PLPPR5: variants seen among roughly 807,000 people sequenced by gnomAD.
The protein encoded by PLPPR5 is phospholipid phosphatase related 5.
Under a neutral mutation model 33.9 loss-of-function variants are expected in PLPPR5, and 16 were observed. The ratio of observed to expected loss-of-function variants is 0.47; its 90% confidence interval spans 0.32 to 0.72. The LOEUF is 0.72. Among genes scored for constraint, PLPPR5 ranks in the 30% least tolerant of loss-of-function variants. The pLI is 0.03. For missense variants in PLPPR5, 301 were observed against 406.7 expected, an observed-to-expected ratio of 0.74 and a Z score of 2.23; for synonymous variants, 163 against 150.3, an observed-to-expected ratio of 1.08 and a Z score of -0.62.
chr1:98,996,696 G>C lies in PLPPR5; in HGVS notation c.237+7739C>G, dbSNP rs79951706. Among the ~76,000 whole-genome samples, 927 of 152,218 alleles carry C rather than the reference G, an allele frequency of 6.1e-3. 15 individuals carry two copies. Among genetic ancestry groups the C allele is most frequent in the African/African-American group, 0.022 (900 of 41,544 alleles). On this transcript the variant is annotated intron_variant, in intron 1 of 5. Coordinates refer to ENST00000263177, the MANE Select transcript of PLPPR5 (RefSeq NM_001037317.2). ...CAACCTGTATAAATGGGAATGATGA[G>C]CTGGGAAAATTTAGTTCTACTGGCT...
rs541049790 is a variant in PLPPR5 at position 98,894,091 on chromosome 1, CA to C, written c.934-988del. On this transcript the variant is annotated intron_variant, in intron 5 of 5. Coordinates refer to ENST00000263177, the MANE Select transcript of PLPPR5 (RefSeq NM_001037317.2). ...TTGAATTTAGGCATATTAAACCACA[CA>C]AAAGGAATCTCATTGACTACAATTT... is the stretch of plus-strand genomic sequence containing the variant. Among the ~76,000 whole-genome samples the C allele has an allele frequency of 4.3e-3, 656 of 152,040 alleles. 7 individuals are homozygous for C. Among genetic ancestry groups the C allele is most frequent in the Admixed American group, 0.031 (477 of 15,254 alleles).
chr1:98,982,323 G>T (rs1373233255), intron 1 of PLPPR5, among the ~76,000 whole-genome samples: 1 of 152,046 alleles, frequency 6.6e-6, no homozygotes, highest in Non-Finnish European at 1.5e-5. Flanking sequence ...CCAAAATGGA[G>T]TCACTCATAC....
intron 3 of PLPPR5, among the ~76,000 whole-genome samples, chr1:98,952,145 C>T (rs1650806675): frequency 1.3e-5 from 2 of 151,984 alleles, no homozygotes; most frequent in Non-Finnish European, 2.9e-5. Flanking sequence ...CACCTGTAGT[C>T]CCAGCTACTC....
intron 1 of PLPPR5, among the ~76,000 whole-genome samples, chr1:98,984,171 A>G (rs777330441): frequency 6.6e-6 from 1 of 151,918 alleles, no homozygotes; most frequent in Non-Finnish European, 1.5e-5. Context: ...AGAAAATAAG[A>G]CTATTATGTT....
chr1:98,945,308 T>C (rs1421343252), intron 3 of PLPPR5, among the ~76,000 whole-genome samples: 1 of 152,208 alleles, frequency 6.6e-6, no homozygotes, highest in Non-Finnish European at 1.5e-5. Flanking sequence ...CCTGGTCACC[T>C]GGAAAATAGG....
At position 98,901,641 on chromosome 1, in the gene PLPPR5, CTTTA is replaced by C. The variant is rs548607025; in HGVS notation, c.934-8541_934-8538del. Among the ~76,000 whole-genome samples the C allele has an allele frequency of 3.0e-3, 461 of 152,028 alleles. 3 individuals are homozygous for C. Among genetic ancestry groups the C allele is most frequent in the African/African-American group, 0.011 (442 of 41,510 alleles). ...TCAAAAATATAAATTGAAATGAGAA[CTTTA>C]TTTATTTTTTGCCTATAAGATTGTA... On this transcript the variant is annotated intron_variant, in intron 5 of 5. Transcript: ENST00000263177.
chr1:98,982,271 A>G (rs1057474093), intron 1 of PLPPR5, among the ~76,000 whole-genome samples: 3 of 152,070 alleles, frequency 2.0e-5, no homozygotes, highest in African/African-American at 4.8e-5. Context: ...TAGGATGCCA[A>G]TGGTTTGGAC....
At chr1:98,982,427 T>C (rs1471821306) in intron 1 of PLPPR5, among the ~76,000 whole-genome samples, 3 of 152,092 alleles carry the variant, frequency 2.0e-5, no homozygotes, top group Non-Finnish European at 2.9e-5. Context: ...GAAGAGTTAA[T>C]GGCCAATTCC....
chr1:98,903,180 GACTT>G (rs1460745605), intron 5 of PLPPR5, among the ~76,000 whole-genome samples: 6 of 151,800 alleles, frequency 4.0e-5, no homozygotes, highest in South Asian at 2.1e-4. Context: ...TGTAAATATT[GACTT>G]ACTTCAAATA....
intron 3 of PLPPR5, among the ~76,000 whole-genome samples, chr1:98,923,011 A>C (rs1041276204): frequency 3.3e-5 from 5 of 151,654 alleles, no homozygotes; most frequent in African/African-American, 7.3e-5. Flanking sequence ...ACAAAAAAAA[A>C]CCATAAGTAC....
upstream of PLPPR5, among the ~76,000 whole-genome samples, chr1:99,005,217 A>C (rs1653043116): frequency 6.6e-6 from 1 of 152,072 alleles, no homozygotes; most frequent in African/African-American, 2.4e-5. Context: ...AACTCTTCCG[A>C]GGCACCAGCT....
Position 98,891,314 on chromosome 1 carries a change from T to C in PLPPR5, c.*1758A>G, listed in dbSNP as rs551570019. 1 of 152,158 alleles carries C rather than the reference T, an allele frequency of 6.6e-6. No individual in the cohort carries two copies. The highest frequency in any genetic ancestry group is 2.4e-5 in the African/African-American group (1 of 41,538). 9.4% of individuals were successfully genotyped at this position (152,158 alleles called of 1,614,324 possible). A position where few individuals can be genotyped will look rare whatever the true frequency, so the allele number is the denominator to read the frequency against. ...CATCTATTTGGGGAGTAATGGACAA[T>C]CTTTGGTTATATTTATTTGCTGATC... On this transcript the variant is annotated 3_prime_UTR_variant, in exon 6 of 6. Coordinates refer to ENST00000263177, the MANE Select transcript of PLPPR5 (RefSeq NM_001037317.2).
intron 3 of PLPPR5, among the ~76,000 whole-genome samples, chr1:98,952,453 T>C (rs993120868): frequency 6.6e-6 from 1 of 152,012 alleles, no homozygotes; most frequent in Non-Finnish European, 1.5e-5. Context: ...TGCATATGGG[T>C]AATGCACTCA....
At chr1:98,932,010 G>C (rs1172386380) in intron 3 of PLPPR5, among the ~76,000 whole-genome samples, 1 of 152,148 alleles carries the variant, frequency 6.6e-6, no homozygotes, top group Admixed American at 6.5e-5. Context: ...GTGCACCCAT[G>C]AGTTTGAACT....
intron 3 of PLPPR5, among the ~76,000 whole-genome samples, chr1:98,947,161 C>A (rs1650586867): frequency 6.6e-6 from 1 of 152,220 alleles, no homozygotes; most frequent in Admixed American, 6.5e-5. Flanking sequence ...ATATTTCAAA[C>A]AGCCTAATCA....
At chr1:98,993,708 G>A (rs898509332) in intron 1 of PLPPR5, among the ~76,000 whole-genome samples, 1 of 152,068 alleles carries the variant, frequency 6.6e-6, no homozygotes, top group Non-Finnish European at 1.5e-5. Context: ...AGAACATAGT[G>A]TTCTGCTTTG....
intron 3 of PLPPR5, among the ~76,000 whole-genome samples, chr1:98,947,475 G>A (rs1650599750): frequency 1.3e-5 from 2 of 152,108 alleles, no homozygotes; most frequent in South Asian, 2.1e-4. Flanking sequence ...TATCATCCAA[G>A]CCATTTTAAT....
intron 3 of PLPPR5, among the ~76,000 whole-genome samples, chr1:98,950,274 T>C (rs773925430): frequency 6.6e-6 from 1 of 152,160 alleles, no homozygotes; most frequent in Non-Finnish European, 1.5e-5. Flanking sequence ...TTATCAATTA[T>C]TAAATAAATA....
chr1:98,926,269 G>A (rs1649761121), intron 3 of PLPPR5, among the ~76,000 whole-genome samples: 1 of 151,968 alleles, frequency 6.6e-6, no homozygotes, highest in African/African-American at 2.4e-5. Flanking sequence ...TAAGCAAACC[G>A]GTGCCCACTA....
Sources: gnomAD v4.1 joint callset for allele counts (sites outside exome capture counted in the v4.1 genomes callset) on GRCh38, gnomAD v4.1.1 for gene constraint, MANE v1.5 for transcripts, NCBI Gene and HGNC (gene_info 2026-07-23, HGNC 2026-07-21) for gene names.